FAM83A: variants seen among roughly 807,000 people sequenced by gnomAD.
FAM83A encodes protein FAM83A.
A neutral mutation model predicts 24.4 loss-of-function variants in FAM83A; 21 were observed. The ratio of observed to expected loss-of-function variants is 0.86; its 90% CI spans 0.61 to 1.24. FAM83A has a LOEUF of 1.24. FAM83A is among the 50% of genes most tolerant of loss of function. The pLI, the probability that FAM83A is intolerant of heterozygous loss-of-function variation, is 0.00. For synonymous variants in FAM83A, 270 were observed against 252.4 expected (o/e 1.07, Z -0.66); for missense variants, 617 against 579.8 (o/e 1.06, Z -0.66).
exon 4 of FAM83A, chr8:123,207,713 G>A (rs910550865): frequency 1.4e-6 from 2 of 1,446,456 alleles, no homozygotes; most frequent in Non-Finnish European, 9.1e-7. Context: ...GCTGCCCTCC[G>A]CAGGCCCAGG....
chr8:123,208,997 G>A (rs2131116115), exon 4 of FAM83A: 3 of 987,844 alleles, frequency 3.0e-6, no homozygotes, highest in South Asian at 4.7e-5. Flanking sequence ...AGAGCATAGA[G>A]GAGGGTTGGC....
At chr8:123,208,589 G>A (rs1472928959) in exon 4 of FAM83A, 1 of 985,384 alleles carries the variant, frequency 1.0e-6, no homozygotes, top group Non-Finnish European at 1.2e-6. Context: ...AACCTCACAA[G>A]CCCCATCATT....
intron 2 of FAM83A, chr8:123,192,951 A>G (rs191424635): frequency 1.3e-5 from 2 of 152,352 alleles, no homozygotes; most frequent in African/African-American, 2.4e-5. Context: ...TCCTCTCAAG[A>G]TCTCACAGAG....
chr8:123,181,093 C>A (rs1173551331), upstream of FAM83A, among the ~76,000 whole-genome samples: 1 of 152,118 alleles, frequency 6.6e-6, no homozygotes, highest in African/African-American at 2.4e-5. Flanking sequence ...ACTACAGGCG[C>A]ATACCACCAG....
intron 1 of FAM83A, among the ~76,000 whole-genome samples, chr8:123,185,121 T>C (rs542878077): frequency 6.6e-6 from 1 of 152,298 alleles, no homozygotes; most frequent in Admixed American, 6.5e-5. Context: ...TGAGGATGCA[T>C]CCAGGCAAGC....
chr8:123,195,370 C>T (rs1391506670), intron 3 of FAM83A, among the ~76,000 whole-genome samples: 1 of 152,142 alleles, frequency 6.6e-6, no homozygotes, highest in Non-Finnish European at 1.5e-5. Context: ...AATCTCTAGC[C>T]AGAGACAAAT....
upstream of FAM83A, chr8:123,182,317 G>T: frequency 5.6e-6 from 2 of 357,398 alleles, no homozygotes; most frequent in South Asian, 4.1e-5. Context: ...AGAGAGGGGG[G>T]CGCATCTCAG....
exon 4 of FAM83A, chr8:123,207,953 A>C: frequency 8.1e-7 from 1 of 1,227,854 alleles, no homozygotes. Flanking sequence ...CAAAATCATG[A>C]AAACAGAGTC....
chr8:123,205,066 C>T (rs1236699777), intron 3 of FAM83A, among the ~76,000 whole-genome samples: 1 of 152,038 alleles, frequency 6.6e-6, no homozygotes, highest in Non-Finnish European at 1.5e-5. Flanking sequence ...GAGCCGAGAT[C>T]ACGCCACTGC....
At chr8:123,201,772 G>C (rs1027430372) in intron 3 of FAM83A, 3 of 152,292 alleles carry the variant, frequency 2.0e-5, no homozygotes, top group Non-Finnish European at 4.4e-5. Flanking sequence ...GGCTGGTTGA[G>C]GGTCTGACCC....
chr8:123,201,741 T>C (rs1191258040), intron 3 of FAM83A: 1 of 152,102 alleles, frequency 6.6e-6, no homozygotes, highest in East Asian at 1.9e-4. Flanking sequence ...AGGGCTGAGG[T>C]TGTGCATTTC....
chr8:123,186,338 G>C (rs1011023481), intron 1 of FAM83A, among the ~76,000 whole-genome samples: 3 of 152,158 alleles, frequency 2.0e-5, no homozygotes, highest in African/African-American at 7.2e-5. Flanking sequence ...CCTCAGCCTA[G>C]GCTGTCCTTG....
At position 123,184,530 on chromosome 8, in the gene FAM83A, G is replaced by T. The variant is rs940322867; in HGVS notation, c.480+1194G>T. Among the ~76,000 whole-genome samples the T allele has an allele frequency of 5.9e-5, 9 of 151,970 alleles. No homozygotes were observed. The South Asian group carries it at 6.2e-4, about 11-fold the overall frequency. ...GAAAAACCCTTCAAGCCCAGAGCTG[G>T]GCTGGTAGGATTTCAGGCACCGTGA... On this transcript the variant is annotated intron_variant, in intron 1 of 3. Coordinates refer to ENST00000690554, the Ensembl canonical transcript of FAM83A.
chr8:123,183,841 G>A (rs1365449775), intron 1 of FAM83A, among the ~76,000 whole-genome samples: 1 of 151,710 alleles, frequency 6.6e-6, no homozygotes, highest in Non-Finnish European at 1.5e-5. Context: ...GATTACAGGC[G>A]CATGCCACCA....
chr8:123,182,333 G>A, upstream of FAM83A: 2 of 354,634 alleles, frequency 5.6e-6, no homozygotes, highest in East Asian at 1.5e-4. Flanking sequence ...CTCAGGGATG[G>A]CATCTTTCCC....
intron 1 of FAM83A, among the ~76,000 whole-genome samples, chr8:123,191,373 T>A (rs954512483): frequency 2.6e-5 from 4 of 152,188 alleles, no homozygotes; most frequent in African/African-American, 9.7e-5. Flanking sequence ...TTCCACGGCT[T>A]AACAGCATTT....
intron 2 of FAM83A, among the ~76,000 whole-genome samples, chr8:123,193,522 A>C (rs2131078824): frequency 6.6e-6 from 1 of 152,348 alleles, no homozygotes; most frequent in South Asian, 2.1e-4. Context: ...GAAAATATTA[A>C]TATGGTCCAG....
intron 1 of FAM83A, among the ~76,000 whole-genome samples, chr8:123,191,532 G>A (rs1341561728): frequency 6.6e-6 from 1 of 152,024 alleles, no homozygotes; most frequent in African/African-American, 2.4e-5. Flanking sequence ...TTCCTCCTCT[G>A]CACTCCCCAC....
intron 1 of FAM83A, among the ~76,000 whole-genome samples, chr8:123,185,024 C>G (rs572317764): frequency 2.6e-5 from 4 of 152,158 alleles, no homozygotes; most frequent in African/African-American, 9.7e-5. Context: ...AAAATTTAGT[C>G]GAAGGTAACA....
Sources: gnomAD v4.1 joint callset for allele counts (sites outside exome capture counted in the v4.1 genomes callset) on GRCh38, gnomAD v4.1.1 for gene constraint, MANE v1.5 for transcripts, NCBI Gene and HGNC (gene_info 2026-07-23, HGNC 2026-07-21) for gene names.